The following CCDC171 variants were observed in gnomAD, a reference collection of about 807,000 sequenced individuals.
CCDC171 encodes the protein coiled-coil domain containing 171, also known as coiled-coil domain-containing protein 171.
CCDC171 carries 177 observed loss-of-function variants against 168.2 expected under a neutral mutation model. That is an observed-to-expected ratio of 1.05 (90% CI 0.93 to 1.19). CCDC171 has a LOEUF of 1.19. Ranked by LOEUF, CCDC171 falls within the 50% of genes most tolerant of loss-of-function variation. The probability of loss-of-function intolerance (pLI) is 0.00; values close to 1 mark genes in which losing one functional copy is unlikely to be tolerated. For synonymous variants in CCDC171, 687 were observed against 540.8 expected, an observed-to-expected ratio of 1.27 and a Z score of -3.75; for missense variants, 1,991 against 1,539.0, an observed-to-expected ratio of 1.29 and a Z score of -4.91.
At chr9:15,811,134 A>G (rs190305594) in intron 21 of CCDC171, among the ~76,000 whole-genome samples, 3 of 152,370 alleles carry the variant, frequency 2.0e-5, no homozygotes, top group African/African-American at 7.2e-5. Context: ...GCTTGGAAAG[A>G]GAAACTTACC....
Position 15,623,475 on chromosome 9 carries a change from G to GCGCGCGCA in CCDC171, c.822+63_822+64insGCGCGCAC. On this transcript the variant is annotated intron_variant, in intron 7 of 25. Transcript: ENST00000380701. The stretch of plus-strand genomic sequence containing the variant: ...CAAACTTTCACATATGCGCGCGCGC[G>GCGCGCGCA]CACACACACACACACACACACACAC... The GCGCGCGCA allele has an allele frequency of 1.7e-3, 524 of 315,408 alleles. 5 individuals carry two copies. Among genetic ancestry groups the GCGCGCGCA allele is most frequent in the African/African-American group, 0.01 (438 of 42,410 alleles). The allele number at this position is 315,408 out of a possible 1,614,324, so 19.5% of individuals were successfully genotyped here.
At chr9:15,866,312 A>G (rs1260451658) in intron 23 of CCDC171, among the ~76,000 whole-genome samples, 1 of 152,014 alleles carries the variant, frequency 6.6e-6, no homozygotes, top group African/African-American at 2.4e-5. Context: ...TTTAAGAGCC[A>G]CAAGTCTGAA....
intron 3 of CCDC171, among the ~76,000 whole-genome samples, chr9:15,995,034 A>G (rs1250171966): frequency 6.6e-6 from 1 of 152,210 alleles, no homozygotes; most frequent in African/African-American, 2.4e-5. Context: ...TAGTTGCTGT[A>G]TTCCAAGCAT....
At chr9:15,958,465 C>G (rs957641526) in intron 25 of CCDC171, among the ~76,000 whole-genome samples, 1 of 150,462 alleles carries the variant, frequency 6.6e-6, no homozygotes, top group Non-Finnish European at 1.5e-5. Context: ...GACTGTGATA[C>G]TGTGCTATTA....
chr9:15,831,130 C>T lies in CCDC171; in HGVS notation c.3268-15572C>T, dbSNP rs1236787546. Among the ~76,000 whole-genome samples, 5 of 151,820 alleles carry T rather than the reference C, an allele frequency of 3.3e-5. No individual in the cohort carries two copies. In the South Asian group the frequency reaches 6.2e-4, roughly 19 times the overall value. On this transcript the variant is annotated intron_variant, in intron 21 of 25. Transcript: ENST00000380701. ...GACTACAGGTGCCCACCACCATGCC[C>T]GGCTAATTTTTTTTTGTATTTTTAG...
Position 15,818,950 on chromosome 9 carries a change from T to C in CCDC171, c.3268-27752T>C, listed in dbSNP as rs1240103643. 9.6e-4 allele frequency among the ~76,000 whole-genome samples: 112 copies of C among 116,906 alleles called. 31 individuals carry two copies. Among genetic ancestry groups the C allele is most frequent in the African/African-American group, 2.6e-3 (80 of 31,174 alleles). The allele number at this position is 116,906 out of a possible 152,430, so 76.7% of individuals were successfully genotyped here. On this transcript the variant is annotated intron_variant, in intron 21 of 25. Transcript: ENST00000380701. ...GTTAAGGGCAGCCAGAGAGAAAGGT[T>C]GGGTTACCCACAAAGGGAAGCCCAT...
chr9:15,661,306 A>G (rs1440123985), intron 8 of CCDC171, among the ~76,000 whole-genome samples: 1 of 151,214 alleles, frequency 6.6e-6, no homozygotes, highest in Non-Finnish European at 1.5e-5. Flanking sequence ...AAAAAGTAAC[A>G]TGCTGTTTTT....
intron 4 of CCDC171, among the ~76,000 whole-genome samples, chr9:15,583,612 C>T (rs945272703): frequency 6.6e-6 from 1 of 151,944 alleles, no homozygotes; most frequent in African/African-American, 2.4e-5. Context: ...ATATAATGGA[C>T]TTTGGGGACT....
intron 3 of CCDC171, among the ~76,000 whole-genome samples, chr9:15,983,089 A>G (rs1240558934): frequency 1.3e-5 from 2 of 152,160 alleles, no homozygotes; most frequent in Non-Finnish European, 2.9e-5. Context: ...TGAAGCTCCT[A>G]TTCTAGCTTT....
At chr9:15,878,874 G>T (rs1490171757) in intron 24 of CCDC171, among the ~76,000 whole-genome samples, 1 of 152,118 alleles carries the variant, frequency 6.6e-6, no homozygotes, top group Non-Finnish European at 1.5e-5. Flanking sequence ...TCTAACACGG[G>T]AACAGAAAAC....
At chr9:15,726,908 A>G (rs544616030) in intron 14 of CCDC171, among the ~76,000 whole-genome samples, 56 of 152,224 alleles carry the variant, frequency 3.7e-4, no homozygotes, top group African/African-American at 1.3e-3. Context: ...TTAGAGTTCC[A>G]TGCTTTGGGA....
At chr9:16,013,274 C>T (rs1832922533) in intron 3 of CCDC171, among the ~76,000 whole-genome samples, 1 of 152,178 alleles carries the variant, frequency 6.6e-6, no homozygotes, top group African/African-American at 2.4e-5. Context: ...CCTCTCCAGT[C>T]AGGCCATCAT....
At chr9:16,071,592 C>T in the CCDC171 span, among the ~76,000 whole-genome samples, 1 of 152,230 alleles carries the variant, frequency 6.6e-6, no homozygotes, top group East Asian at 1.9e-4. Flanking sequence ...CATGCACAAG[C>T]ACACGAGCAC....
intron 25 of CCDC171, among the ~76,000 whole-genome samples, chr9:15,967,587 A>T (rs1373722409): frequency 6.6e-6 from 1 of 152,160 alleles, no homozygotes; most frequent in Non-Finnish European, 1.5e-5. Flanking sequence ...TCACACGTGG[A>T]ATTATGGCAG....
At chr9:16,079,699 G>T in the CCDC171 span, among the ~76,000 whole-genome samples, 18 of 152,302 alleles carry the variant, frequency 1.2e-4, no homozygotes, top group South Asian at 3.7e-3. Flanking sequence ...TAATTCTATT[G>T]TTCAAGCCAC....
intron 3 of CCDC171, among the ~76,000 whole-genome samples, chr9:15,578,628 A>G (rs1214309417): frequency 6.6e-6 from 1 of 150,666 alleles, no homozygotes; most frequent in Non-Finnish European, 1.5e-5. Context: ...AAAAGTTCTT[A>G]TAAGATTTTT....
the CCDC171 span, among the ~76,000 whole-genome samples, chr9:16,096,848 A>G: frequency 3.3e-5 from 5 of 152,180 alleles, no homozygotes; most frequent in Non-Finnish European, 7.3e-5. Context: ...TGTAGATAGT[A>G]CTTTTGTTAA....
chr9:15,872,858 A>G (rs1360181964), intron 23 of CCDC171, among the ~76,000 whole-genome samples: 2 of 152,176 alleles, frequency 1.3e-5, no homozygotes, highest in Non-Finnish European at 2.9e-5. Context: ...AAAAAAAGCA[A>G]GAGAAGGTAT....
At chr9:15,961,659 C>T (rs1262100265) in intron 25 of CCDC171, among the ~76,000 whole-genome samples, 2 of 152,062 alleles carry the variant, frequency 1.3e-5, no homozygotes, top group East Asian at 1.9e-4. Flanking sequence ...TTTAACTATC[C>T]AATTACATTT....
Sources: gnomAD v4.1 joint callset for allele counts (sites outside exome capture counted in the v4.1 genomes callset) on GRCh38, gnomAD v4.1.1 for gene constraint, MANE v1.5 for transcripts, NCBI Gene and HGNC (gene_info 2026-07-23, HGNC 2026-07-21) for gene names.